The following RDM1 variants were observed in gnomAD, a reference collection of about 807,000 sequenced individuals.
The protein encoded by RDM1 is RAD52 motif-containing protein 1.
In RDM1, 28 loss-of-function variants were observed where a neutral mutation model predicts 27.7. The observed-to-expected ratio is 1.01, with a 90% confidence interval of 0.75 to 1.39. RDM1 has a LOEUF of 1.39. Ranked by LOEUF, RDM1 falls within the 40% of genes most tolerant of loss-of-function variation. The pLI is 0.00. For missense variants in RDM1, 277 were observed against 337.3 expected, an observed-to-expected ratio of 0.82 and a Z score of 1.40; for synonymous variants, 124 against 127.5, an observed-to-expected ratio of 0.97 and a Z score of 0.19.
chr17:35,925,713 A>G, intron 2 of RDM1, 76 bp from the exon 3 acceptor site: 3 of 1,499,096 alleles, frequency 2.0e-6, no homozygotes, highest in Non-Finnish European at 2.7e-6. Flanking sequence ...GAGATTTGTC[A>G]ATACCAAGTG....
At chr17:35,925,697 AG>A (rs1401578774) in intron 2 of RDM1, 60 bp from the exon 3 acceptor site, 1 of 1,545,908 alleles carries the variant, frequency 6.5e-7, no homozygotes, top group African/African-American at 1.4e-5. Context: ...TATTTTGGAT[AG>A]ATCTGAGATT....
chr17:35,929,961 G>T (rs758644124), intron 2 of RDM1, 115 bp downstream of exon 2: 5 of 946,398 alleles, frequency 5.3e-6, no homozygotes, highest in Non-Finnish European at 8.1e-6. Context: ...TGGAAGATTA[G>T]TGTGGCAATG....
intron 2 of RDM1, among the ~76,000 whole-genome samples, chr17:35,927,115 CAA>C (rs955692533): frequency 0.052 from 3,888 of 75,342 alleles, 61 homozygotes; most frequent in South Asian, 0.18. Flanking sequence ...TTCATTTCAC[CAA>C]AAAAAAAAAA....
At chr17:35,919,366 ATATG>A (rs72040262) in intron 6 of RDM1, among the ~76,000 whole-genome samples, 14,245 of 152,226 alleles carry the variant, frequency 0.094, 814 homozygotes, top group East Asian at 0.21. Flanking sequence ...AGCTTGAGAA[ATATG>A]TCATTAGGTG....
intron 2 of RDM1, among the ~76,000 whole-genome samples, chr17:35,928,949 C>T (rs1221219673): frequency 6.6e-6 from 1 of 151,798 alleles, no homozygotes; most frequent in East Asian, 1.9e-4. Flanking sequence ...GTGGCAGGCG[C>T]CTGTAGTCCC....
In RDM1 at chr17:35,930,722, C is replaced by T; in HGVS notation, c.6G>A (p.Ala2=). 1 of 1,613,576 alleles carries T rather than the reference C, an allele frequency of 6.2e-7. No homozygotes were observed. Among genetic ancestry groups the T allele is most frequent in the African/African-American group, 1.3e-5 (1 of 75,044 alleles). The change falls in exon 1 of 7, where the codon GCG becomes GCA. Residue 2 remains alanine (A), a synonymous_variant. Transcript: ENST00000620284. M[A]ELVPFAVPIE... ...TGGGAACCGCAAAAGGTACCAACTCCGCCATCCTCCCTTCACCGCACCTGC... is the reference window on the plus strand; with the variant it reads ...TGGGAACCGCAAAAGGTACCAACTCTGCCATCCTCCCTTCACCGCACCTGC...
At chr17:35,923,020 A>G (rs1483491511) in intron 4 of RDM1, among the ~76,000 whole-genome samples, 1 of 152,164 alleles carries the variant, frequency 6.6e-6, no homozygotes, top group Non-Finnish European at 1.5e-5. Context: ...CACTCATCGA[A>G]AAAGGTTTGG....
intron 2 of RDM1, 113 bp downstream of exon 2, chr17:35,929,963 G>GT: frequency 2.1e-6 from 2 of 960,902 alleles, no homozygotes; most frequent in Admixed American, 2.3e-5. Flanking sequence ...GAAGATTAGT[G>GT]TGGCAATGCA....
chr17:35,928,028 C>T (rs185388504), intron 2 of RDM1, among the ~76,000 whole-genome samples: 121 of 152,292 alleles, frequency 7.9e-4, no homozygotes, highest in African/African-American at 2.6e-3. Context: ...GGGCATTGAA[C>T]AGGCTACTGA....
intron 1 of RDM1, 118 bp downstream of exon 1, chr17:35,930,514 A>C: frequency 9.8e-7 from 1 of 1,018,126 alleles, no homozygotes; most frequent in Non-Finnish European, 1.4e-6. Context: ...CCCCTTTATA[A>C]TTAAGAGTCC....
intron 5 of RDM1, 107 bp downstream of exon 5, chr17:35,922,470 C>A: frequency 7.1e-7 from 1 of 1,399,962 alleles, no homozygotes; most frequent in Non-Finnish European, 9.7e-7. Context: ...TGAAAGCATA[C>A]TATAGAGTGC....
intron 5 of RDM1, chr17:35,922,316 G>T (rs958751946): frequency 1.1e-5 from 5 of 465,038 alleles, no homozygotes; most frequent in Non-Finnish European, 1.9e-5. Flanking sequence ...AGCAATTAAA[G>T]AAGACCTGGC....
chr17:35,920,884 A>G (rs1462793346), intron 5 of RDM1, among the ~76,000 whole-genome samples: 5 of 152,366 alleles, frequency 3.3e-5, no homozygotes, highest in African/African-American at 1.2e-4. Flanking sequence ...ATGCTCAATC[A>G]TAATATGACT....
chr17:35,924,493 AGGGAGGG>A, intron 4 of RDM1, 104 bp downstream of exon 4: 1 of 1,164,512 alleles, frequency 8.6e-7, no homozygotes, highest in South Asian at 1.7e-5. Context: ...TAGCTCAGAG[AGGGAGGG>A]GCTTGATATG....
Position 35,930,723 on chromosome 17 carries a change from G to A in RDM1, c.5C>T (p.Ala2Val), listed in dbSNP as rs1192621430. 1.9e-6 allele frequency: 3 copies of A among 1,613,180 alleles called. No homozygotes were observed. The highest frequency in any genetic ancestry group is 1.7e-5 in the Admixed American group (1 of 59,956). The change falls in exon 1 of 7, where the codon GCG becomes GTG. Residue 2 changes from alanine to valine, a missense_variant. Transcript: ENST00000620284. The part of the protein sequence containing the change: M[A>V]ELVPFAVPIE... ...GGGAACCGCAAAAGGTACCAACTCC[G>A]CCATCCTCCCTTCACCGCACCTGCG... is the stretch of plus-strand genomic sequence containing the variant.
At chr17:35,930,340 T>C (rs772161923) in intron 1 of RDM1, 85 bp from the exon 2 acceptor site, 15 of 1,553,296 alleles carry the variant, frequency 9.7e-6, no homozygotes, top group Admixed American at 6.9e-5. Context: ...CAAACCTCTC[T>C]TCGCGAAGGA....
chr17:35,926,690 A>G (rs1044306944), intron 2 of RDM1, among the ~76,000 whole-genome samples: 6 of 152,198 alleles, frequency 3.9e-5, no homozygotes, highest in African/African-American at 1.4e-4. Context: ...GGTGTGAGCC[A>G]CTGCGCCTGG....
At chr17:35,921,493 G>A (rs1255728736) in intron 5 of RDM1, among the ~76,000 whole-genome samples, 1 of 152,176 alleles carries the variant, frequency 6.6e-6, no homozygotes, top group Admixed American at 6.5e-5. Context: ...TAAGATTCGT[G>A]CCACTGTAGA....
In RDM1 at chr17:35,930,270, C is replaced by CAAGT; in HGVS notation, c.97-19_97-16dup. On this transcript the variant is annotated splice_polypyrimidine_tract_variant and intron_variant, in intron 1 of 6. Coordinates refer to ENST00000620284, the MANE Select transcript of RDM1 (RefSeq NM_145654.4). ...AACAGAGAATGCTGTGGGGGTGGGACAAGTAAATGCATGAAATCTCACGCC... is the reference window on the plus strand; with the variant it reads ...AACAGAGAATGCTGTGGGGGTGGGACAAGTAAGTAAATGCATGAAATCTCACGCC... 6.2e-7 allele frequency: 1 copy of CAAGT among 1,614,000 alleles called. No homozygotes were observed. The highest frequency in any genetic ancestry group is 2.2e-5 in the East Asian group (1 of 44,882).
Sources: gnomAD v4.1 joint callset for allele counts (sites outside exome capture counted in the v4.1 genomes callset) on GRCh38, gnomAD v4.1.1 for gene constraint, MANE v1.5 for transcripts, NCBI Gene and HGNC (gene_info 2026-07-23, HGNC 2026-07-21) for gene names.